ANKRD44: variants seen among roughly 807,000 people sequenced by gnomAD.
The protein encoded by ANKRD44 is serine/threonine-protein phosphatase 6 regulatory ankyrin repeat subunit B.
In ANKRD44, 35 loss-of-function variants were observed where a neutral mutation model predicts 116.0. The ratio of observed to expected loss-of-function variants is 0.30; its 90% CI spans 0.23 to 0.40. The LOEUF (loss-of-function observed/expected upper bound fraction) is 0.40, where lower values mean the gene tolerates loss of function less well. Ranked by LOEUF, ANKRD44 falls within the 10% of genes least tolerant of loss-of-function variation. The pLI, the probability that ANKRD44 is intolerant of heterozygous loss-of-function variation, is 1.00. For missense variants in ANKRD44, 1,014 were observed against 1,242.6 expected (o/e 0.82, Z 2.77); for synonymous variants, 435 against 461.8 (o/e 0.94, Z 0.74).
Position 197,089,993 on chromosome 2 carries a change from G to A in ANKRD44, c.1140C>T (p.Ala380=), listed in dbSNP as rs35539834. ...IHSMFPLHLA[A]LNAHSDCCRK... The stretch of plus-strand genomic sequence containing the variant: ...TGCAGCAGTCAGAGTGAGCATTTAG[G>A]GCAGCTAAATGTAAAGGGAACATGC... The change falls in exon 11 of 28, where the codon GCC becomes GCT. Residue 380 remains alanine, a synonymous_variant. Transcript: ENST00000282272. The A allele has an allele frequency of 0.013, 20,786 of 1,613,936 alleles. 180 individuals carry two copies. The highest frequency in any genetic ancestry group is 0.02 in the African/African-American group (1,508 of 75,014).
At position 196,978,760 on chromosome 2, in the gene ANKRD44, T is replaced by A. The variant is rs73066822; in HGVS notation, c.2369-11314A>T. Among the ~76,000 whole-genome samples, 922 of 152,184 alleles carry A rather than the reference T, an allele frequency of 6.1e-3. 16 individuals carry two copies. The highest frequency in any genetic ancestry group is 0.021 in the African/African-American group (885 of 41,526). On this transcript the variant is annotated intron_variant, in intron 21 of 21. Transcript: ENST00000424317. ...ATCCTTTAAAAGAGCGAATTTTATG[T>A]TATGTCAATTATATCTCAATGGAGC... is the stretch of plus-strand genomic sequence containing the variant.
intron 1 of ANKRD44, among the ~76,000 whole-genome samples, chr2:197,267,505 T>C (rs905220866): frequency 1.3e-5 from 2 of 152,350 alleles, no homozygotes; most frequent in East Asian, 3.9e-4. Flanking sequence ...CCTTAGACTT[T>C]GCCACATCTA....
chr2:197,208,762 T>A (rs1411932672), intron 1 of ANKRD44, among the ~76,000 whole-genome samples: 2 of 151,802 alleles, frequency 1.3e-5, no homozygotes, highest in East Asian at 3.9e-4. Context: ...ATTGTACCAC[T>A]GCACTGCAGG....
At chr2:197,249,774 A>G (rs1192475343) in intron 1 of ANKRD44, among the ~76,000 whole-genome samples, 1 of 152,210 alleles carries the variant, frequency 6.6e-6, no homozygotes, top group African/African-American at 2.4e-5. Context: ...GTCCATCTAC[A>G]TTTTACTTTC....
chr2:197,189,085 C>T (rs969835110), intron 1 of ANKRD44, among the ~76,000 whole-genome samples: 1 of 152,148 alleles, frequency 6.6e-6, no homozygotes, highest in African/African-American at 2.4e-5. Flanking sequence ...TTTTATCCTC[C>T]TGTTGGCTTT....
intron 27 of ANKRD44, chr2:196,990,434 A>G: frequency 1.7e-6 from 2 of 1,168,882 alleles, no homozygotes; most frequent in Non-Finnish European, 2.1e-6. Context: ...TTTATTTAAA[A>G]TGAGAGGTAG....
chr2:197,064,126 A>G (rs1441415803), intron 16 of ANKRD44, among the ~76,000 whole-genome samples: 1 of 152,264 alleles, frequency 6.6e-6, no homozygotes, highest in Non-Finnish European at 1.5e-5. Flanking sequence ...TACAAGCCAG[A>G]AGAAAGTGGG....
chr2:197,209,009 G>T (rs2081269520), intron 1 of ANKRD44, among the ~76,000 whole-genome samples: 1 of 152,070 alleles, frequency 6.6e-6, no homozygotes, highest in Non-Finnish European at 1.5e-5. Context: ...AAGGCAAAGG[G>T]GATATAACAG....
intron 1 of ANKRD44, chr2:197,199,091 G>C (rs1458709863): frequency 6.6e-6 from 1 of 152,356 alleles, no homozygotes; most frequent in Non-Finnish European, 1.5e-5. Context: ...TCCTACATCT[G>C]TGCAACCTAC....
At chr2:197,176,693 T>A (rs1235723686) in intron 2 of ANKRD44, among the ~76,000 whole-genome samples, 1 of 152,138 alleles carries the variant, frequency 6.6e-6, no homozygotes, top group African/African-American at 2.4e-5. Context: ...ACAGCCTGTG[T>A]TACATGCAGA....
At chr2:197,098,130 A>C (rs1259743798) in intron 10 of ANKRD44, among the ~76,000 whole-genome samples, 2 of 152,146 alleles carry the variant, frequency 1.3e-5, no homozygotes, top group Non-Finnish European at 2.9e-5. Context: ...GATCCAGAAA[A>C]TTAGTATCTC....
At chr2:197,086,930 G>A (rs1441884072) in intron 12 of ANKRD44, among the ~76,000 whole-genome samples, 182 bp from the exon 13 acceptor site, 1 of 152,166 alleles carries the variant, frequency 6.6e-6, no homozygotes, top group African/African-American at 2.4e-5. Context: ...AAGTTCCTAT[G>A]ATTCCTTTTT....
chr2:197,292,606 G>A (rs996156147), intron 1 of ANKRD44, among the ~76,000 whole-genome samples: 1 of 152,112 alleles, frequency 6.6e-6, no homozygotes, highest in African/African-American at 2.4e-5. Flanking sequence ...AAAAACTTTA[G>A]ATGTCAACCC....
chr2:197,173,890 G>A (rs948032175), intron 2 of ANKRD44, among the ~76,000 whole-genome samples: 2 of 152,064 alleles, frequency 1.3e-5, no homozygotes, highest in African/African-American at 4.8e-5. Flanking sequence ...AAAATTAGCC[G>A]GGCATGGTAG....
chr2:197,120,291 T>C (rs1481209429), intron 8 of ANKRD44, among the ~76,000 whole-genome samples: 1 of 152,152 alleles, frequency 6.6e-6, no homozygotes, highest in Non-Finnish European at 1.5e-5. Flanking sequence ...ATTTGCTGAA[T>C]AAAGGAATGA....
chr2:197,168,631 A>G (rs2080156233), intron 2 of ANKRD44, among the ~76,000 whole-genome samples: 2 of 152,006 alleles, frequency 1.3e-5, no homozygotes, highest in African/African-American at 4.8e-5. Context: ...CTCCTCCTCT[A>G]GCTCTTCCCC....
chr2:197,009,795 T>C (rs976423596), intron 18 of ANKRD44, among the ~76,000 whole-genome samples: 4 of 152,176 alleles, frequency 2.6e-5, no homozygotes, highest in African/African-American at 9.7e-5. Flanking sequence ...TCCCCCTTCT[T>C]CCTAGCAGGG....
intron 16 of ANKRD44, among the ~76,000 whole-genome samples, chr2:197,034,345 T>A (rs574040769): frequency 6.6e-6 from 1 of 151,956 alleles, no homozygotes. Flanking sequence ...AAACTAGTCA[T>A]AACTTTCTTG....
chr2:197,196,013 T>C (rs2080939759), intron 1 of ANKRD44, among the ~76,000 whole-genome samples: 1 of 152,218 alleles, frequency 6.6e-6, no homozygotes, highest in Admixed American at 6.5e-5. Flanking sequence ...ATCCAGGAGG[T>C]TAGTTCATAC....
Sources: gnomAD v4.1 joint callset for allele counts (sites outside exome capture counted in the v4.1 genomes callset) on GRCh38, gnomAD v4.1.1 for gene constraint, MANE v1.5 for transcripts, NCBI Gene and HGNC (gene_info 2026-07-23, HGNC 2026-07-21) for gene names.